ZNF517: variants seen among roughly 807,000 people sequenced by gnomAD.
The protein encoded by ZNF517 is zinc finger protein 517.
In ZNF517, 12 loss-of-function variants were observed where a neutral mutation model predicts 12.1. That is an observed-to-expected ratio of 0.99 (90% CI 0.63 to 1.61). The LOEUF is 1.61. ZNF517 is among the 40% of genes most tolerant of loss of function. ZNF517 has a pLI of 0.00. For missense variants in ZNF517, 781 were observed against 693.2 expected, an observed-to-expected ratio of 1.13 and a Z score of -1.42; for synonymous variants, 388 against 310.2, an observed-to-expected ratio of 1.25 and a Z score of -2.63.
At position 144,808,128 on chromosome 8, in the gene ZNF517, C is replaced by A; in HGVS notation, c.1212C>A (p.Ala404=). 1.2e-6 allele frequency: 2 copies of A among 1,612,186 alleles called. No homozygotes were observed. Among genetic ancestry groups the A allele is most frequent in the Non-Finnish European group, 8.5e-7 (1 of 1,179,530 alleles). The change falls in exon 5 of 5, where the codon GCC becomes GCA. Residue 404 remains alanine, a synonymous_variant. Transcript: ENST00000359971. ...KPFECAECGK[A]FGRKSNLTLH... ...TCGAGTGCGCGGAGTGCGGCAAGGC[C>A]TTCGGTCGCAAGTCCAACCTCACTC...
chr8:144,799,966 TAAC>T (rs1826877060), intron 1 of ZNF517, among the ~76,000 whole-genome samples: 2 of 151,982 alleles, frequency 1.3e-5, no homozygotes, highest in Non-Finnish European at 2.9e-5. Flanking sequence ...AAAAAAGAGT[TAAC>T]ATTTGAACTG....
At chr8:144,800,745 C>T (rs919876190) in intron 1 of ZNF517, 15 of 963,726 alleles carry the variant, frequency 1.6e-5, no homozygotes, top group Admixed American at 6.2e-5. Context: ...CCACCCCCAT[C>T]GCCCTTCGTA....
At chr8:144,810,373 C>T (rs1019966891), downstream of ZNF517, 14 of 471,548 alleles carry the variant, frequency 3.0e-5, no homozygotes, top group African/African-American at 1.9e-4. Flanking sequence ...CCGGGCTGTG[C>T]GCCCCACAGT....
At chr8:144,804,829 G>A (rs1456385231) in intron 4 of ZNF517, among the ~76,000 whole-genome samples, 1 of 152,176 alleles carries the variant, frequency 6.6e-6, no homozygotes, top group Non-Finnish European at 1.5e-5. Context: ...GACAGCTTAC[G>A]CCATTATTTC....
chr8:144,799,776 T>C (rs1029523747), intron 1 of ZNF517, among the ~76,000 whole-genome samples: 3 of 151,980 alleles, frequency 2.0e-5, no homozygotes, highest in Non-Finnish European at 2.9e-5. Flanking sequence ...CTGTCTCTAC[T>C]AAAAATACAA....
Position 144,802,905 on chromosome 8 carries a change from G to C in ZNF517, c.-10G>C. The C allele has an allele frequency of 6.2e-7, 1 of 1,613,954 alleles. No homozygotes were observed. On this transcript the variant is annotated 5_prime_UTR_variant, in exon 2 of 5. Coordinates refer to ENST00000359971, the MANE Select transcript of ZNF517 (RefSeq NM_213605.3). Reference sequence around the variant, plus strand: ...CTGTAGCATCTGCTCCTCCACAGAGGGACCCTGGAATGGCGATGGCACTCC... The same window carrying C: ...CTGTAGCATCTGCTCCTCCACAGAGCGACCCTGGAATGGCGATGGCACTCC...
chr8:144,803,870 G>A (rs1768547610), intron 3 of ZNF517, 103 bp downstream of exon 3: 2 of 1,498,014 alleles, frequency 1.3e-6, no homozygotes, highest in Non-Finnish European at 9.0e-7. Context: ...CATTTTTGAG[G>A]GGAAGCTGGA....
At chr8:144,804,766 C>G (rs1382858754) in intron 4 of ZNF517, among the ~76,000 whole-genome samples, 1 of 152,196 alleles carries the variant, frequency 6.6e-6, no homozygotes, top group Non-Finnish European at 1.5e-5. Context: ...GTCACATGTT[C>G]ACCGGACAGG....
downstream of ZNF517, chr8:144,810,890 C>G (rs1827534338): frequency 6.5e-6 from 1 of 152,672 alleles, no homozygotes; most frequent in Non-Finnish European, 1.5e-5. Flanking sequence ...CCCGGCCCAG[C>G]TGCAGTCCGA....
intron 1 of ZNF517, among the ~76,000 whole-genome samples, chr8:144,800,128 G>A (rs960858378): frequency 1.3e-5 from 2 of 151,848 alleles, no homozygotes; most frequent in Admixed American, 1.3e-4. Flanking sequence ...ATGGAAGGAG[G>A]TGACCCCTCC....
Position 144,798,948 on chromosome 8 carries a change from C to G in ZNF517, c.-46+11C>G, listed in dbSNP as rs1479284665. Reference sequence around the variant, plus strand: ...TCTCGGCGGCCCAGGGTGAGTCGGCCGCGGCCGCGGGGCGGGGACTGGGAG... The same window carrying G: ...TCTCGGCGGCCCAGGGTGAGTCGGCGGCGGCCGCGGGGCGGGGACTGGGAG... On this transcript the variant is annotated intron_variant, in intron 1 of 4. Coordinates refer to ENST00000359971, the MANE Select transcript of ZNF517 (RefSeq NM_213605.3). The G allele has an allele frequency of 6.6e-6, 1 of 152,054 alleles. No homozygotes were observed. The highest frequency in any genetic ancestry group is 6.5e-5 in the Admixed American group (1 of 15,272). The allele number at this position is 152,054 out of a possible 1,614,324, so 9.4% of individuals were successfully genotyped here. A position where few individuals can be genotyped will look rare whatever the true frequency, so the allele number is the denominator to read the frequency against.
downstream of ZNF517, chr8:144,810,389 C>G: frequency 2.3e-6 from 1 of 438,850 alleles, no homozygotes; most frequent in East Asian, 3.3e-5. Flanking sequence ...ACAGTCTGTG[C>G]CAGGGGCTGC....
At position 144,809,121 on chromosome 8, in the gene ZNF517, G is replaced by A. The variant is rs1827450963; in HGVS notation, c.*726G>A. ...TGATAGCACCACGGCACTCCAACCT[G>A]GTTGACAGAGTGACACCCTGTTTAA... On this transcript the variant is annotated 3_prime_UTR_variant, in exon 5 of 5. Coordinates refer to ENST00000359971, the MANE Select transcript of ZNF517 (RefSeq NM_213605.3). 6.6e-6 allele frequency: 1 copy of A among 151,968 alleles called. No homozygotes were observed. Among genetic ancestry groups the A allele is most frequent in the Admixed American group, 6.6e-5 (1 of 15,260 alleles). The allele number at this position is 151,968 out of a possible 1,614,324, so 9.4% of individuals were successfully genotyped here.
At chr8:144,804,375 A>C in intron 4 of ZNF517, 137 bp downstream of exon 4, 1 of 601,844 alleles carries the variant, frequency 1.7e-6, no homozygotes, top group Non-Finnish European at 2.8e-6. Flanking sequence ...TTTCCTACTA[A>C]CTGCCTTGCT....
chr8:144,803,945 G>A (rs889008774), intron 3 of ZNF517, 178 bp downstream of exon 3: 2 of 1,122,916 alleles, frequency 1.8e-6, no homozygotes, highest in Non-Finnish European at 2.5e-6. Flanking sequence ...GCCTGCCTGA[G>A]GCTTCTCTCC....
At chr8:144,800,516 G>A (rs768768774) in intron 1 of ZNF517, 78 of 985,176 alleles carry the variant, frequency 7.9e-5, no homozygotes, top group Non-Finnish European at 8.7e-5. Flanking sequence ...AGGGGTCGGG[G>A]ATCAAGTCTT....
chr8:144,802,864 C>T lies in ZNF517; in HGVS notation c.-45-6C>T. ...TCTTTCCACTCATGGCTCTATGTTC[C>T]CTCAGAATTCACTGTCTGTAGCATC... On this transcript the variant is annotated splice_region_variant and splice_polypyrimidine_tract_variant and intron_variant, in intron 1 of 4. Transcript: ENST00000359971. 3 of 1,613,514 alleles carry T rather than the reference C, an allele frequency of 1.9e-6. No homozygotes were observed. Among genetic ancestry groups the T allele is most frequent in the Non-Finnish European group, 2.5e-6 (3 of 1,179,820 alleles).
chr8:144,808,180 A>C lies in ZNF517; in HGVS notation c.1264A>C (p.Lys422Gln). 6.2e-7 allele frequency: 1 copy of C among 1,610,098 alleles called. No individual in the cohort carries two copies. The highest frequency in any genetic ancestry group is 8.5e-7 in the Non-Finnish European group (1 of 1,178,382). The change falls in exon 5 of 5, where the codon AAG becomes CAG. Residue 422 changes from lysine to glutamine, a missense_variant. By Grantham distance (53) the Lys-to-Gln change is moderately conservative. Transcript: ENST00000359971. ...GCACCAGAAGATCCACACCAAGGAG[A>C]AGCCCTTCGCGTGCACCGAGTGCGG... ...TLHQKIHTKE[K>Q]PFACTECGKA... is the part of the protein sequence containing the mutation.
At chr8:144,806,841 A>C (rs1827246077) in intron 4 of ZNF517, among the ~76,000 whole-genome samples, 1 of 152,190 alleles carries the variant, frequency 6.6e-6, no homozygotes, top group Non-Finnish European at 1.5e-5. Flanking sequence ...CTACACGTCT[A>C]ACAAAGACTC....
Sources: gnomAD v4.1 joint callset for allele counts (sites outside exome capture counted in the v4.1 genomes callset) on GRCh38, gnomAD v4.1.1 for gene constraint, MANE v1.5 for transcripts, NCBI Gene and HGNC (gene_info 2026-07-23, HGNC 2026-07-21) for gene names.